Variants in BMP5 observed in about 807,000 individuals in gnomAD.
The protein encoded by BMP5 is bone morphogenetic protein 5.
BMP5 carries 23 observed loss-of-function variants against 46.6 expected under a neutral mutation model. That is an observed-to-expected ratio of 0.49 (90% CI 0.35 to 0.70). The LOEUF is 0.70. BMP5 is among the 30% of genes least tolerant of loss of function. The pLI, the probability that BMP5 is intolerant of heterozygous loss-of-function variation, is 0.00. For synonymous variants in BMP5, 204 were observed against 191.9 expected (o/e 1.06, Z -0.52); for missense variants, 545 against 565.6 (o/e 0.96, Z 0.37).
At chr6:55,861,685 T>G (rs772971628) in intron 1 of BMP5, among the ~76,000 whole-genome samples, 1 of 152,256 alleles carries the variant, frequency 6.6e-6, no homozygotes, top group Non-Finnish European at 1.5e-5. Flanking sequence ...GGGAGTAGAC[T>G]CTTGGTAAAC....
chr6:55,788,728 G>C (rs1582065674), intron 3 of BMP5, among the ~76,000 whole-genome samples: 1 of 151,744 alleles, frequency 6.6e-6, no homozygotes, highest in Non-Finnish European at 1.5e-5. Flanking sequence ...CAATGCAATG[G>C]CTAGAATGGT....
chr6:55,768,933 C>G (rs1353579978), intron 4 of BMP5, among the ~76,000 whole-genome samples: 1 of 151,872 alleles, frequency 6.6e-6, no homozygotes, highest in Admixed American at 6.6e-5. Flanking sequence ...ATACTACAGT[C>G]AATTAAGTGT....
chr6:55,832,978 T>C lies in BMP5; in HGVS notation c.491-13131A>G, dbSNP rs1329934997. Among the ~76,000 whole-genome samples, 8 of 151,928 alleles carry C rather than the reference T, an allele frequency of 5.3e-5. No individual in the cohort carries two copies. In the South Asian group the frequency reaches 1.2e-3, roughly 24 times the overall value. On this transcript the variant is annotated intron_variant, in intron 1 of 6. Transcript: ENST00000370830. ...TTTAAAAAAAAAAATTATTGGGGAA[T>C]GGTGGCACATGCCTGTACTTCTAGA... is the stretch of plus-strand genomic sequence containing the variant.
chr6:55,866,372 T>C (rs774695005), intron 1 of BMP5, among the ~76,000 whole-genome samples: 1 of 152,104 alleles, frequency 6.6e-6, no homozygotes, highest in Non-Finnish European at 1.5e-5. Context: ...CAGAGGAGAA[T>C]AAAGGTAGCA....
chr6:55,805,566 C>T (rs767805158), intron 2 of BMP5, among the ~76,000 whole-genome samples: 3 of 151,964 alleles, frequency 2.0e-5, no homozygotes, highest in Non-Finnish European at 4.4e-5. Flanking sequence ...ATTTATATTC[C>T]CTTGGGTATA....
chr6:55,839,832 C>A (rs1432226259), intron 1 of BMP5, among the ~76,000 whole-genome samples: 1 of 151,948 alleles, frequency 6.6e-6, no homozygotes, highest in Non-Finnish European at 1.5e-5. Flanking sequence ...ATTCATATAC[C>A]TATAACAGGA....
intron 2 of BMP5, among the ~76,000 whole-genome samples, chr6:55,817,393 A>T (rs943770281): frequency 6.6e-6 from 1 of 152,204 alleles, no homozygotes; most frequent in African/African-American, 2.4e-5. Flanking sequence ...AATATGGCAC[A>T]TATACACCAC....
intron 3 of BMP5, among the ~76,000 whole-genome samples, chr6:55,786,198 C>A (rs1057270526): frequency 2.2e-4 from 34 of 151,678 alleles, no homozygotes; most frequent in African/African-American, 7.0e-4. Context: ...TCCTCTAAGA[C>A]AATGCATTTC....
At chr6:55,786,719 GC>G (rs919760931) in intron 3 of BMP5, among the ~76,000 whole-genome samples, 2 of 151,540 alleles carry the variant, frequency 1.3e-5, no homozygotes, top group African/African-American at 2.4e-5. Flanking sequence ...TTTATCTAGA[GC>G]AAATCATAAG....
Position 55,819,733 on chromosome 6 carries a change from T to A in BMP5, c.605A>T (p.Lys202Met). 6.2e-7 allele frequency: 1 copy of A among 1,614,002 alleles called. No homozygotes were observed. The highest frequency in any genetic ancestry group is 8.5e-7 in the Non-Finnish European group (1 of 1,179,944). ...AVTAAEFRIY[K>M]DRSNNRFENE... ...TTCAAATCGGTTGTTGCTCCGGTCC[T>A]TGTATATCCGGAATTCAGCTGCTGT... The change falls in exon 2 of 7, where the codon AAG becomes ATG. Residue 202 changes from lysine (K) to methionine (M), a missense_variant. Coordinates refer to ENST00000370830, the MANE Select transcript of BMP5 (RefSeq NM_021073.4).
intron 1 of BMP5, among the ~76,000 whole-genome samples, chr6:55,824,656 C>T (rs1292150549): frequency 1.3e-5 from 2 of 151,798 alleles, no homozygotes; most frequent in Admixed American, 1.3e-4. Context: ...TAGTACCATC[C>T]CTTATCTCAG....
chr6:55,844,606 G>A (rs745816372), intron 1 of BMP5, among the ~76,000 whole-genome samples: 6 of 151,810 alleles, frequency 4.0e-5, no homozygotes, highest in Non-Finnish European at 7.4e-5. Context: ...ATAGTTTACA[G>A]CTGATTGTTA....
At chr6:55,770,314 C>CT (rs369936723) in intron 4 of BMP5, among the ~76,000 whole-genome samples, 1 of 151,876 alleles carries the variant, frequency 6.6e-6, no homozygotes, top group Non-Finnish European at 1.5e-5. Context: ...TCACCTTGCA[C>CT]TTTTTTGCTA....
At chr6:55,848,963 C>A (rs1444021867) in intron 1 of BMP5, among the ~76,000 whole-genome samples, 3 of 152,016 alleles carry the variant, frequency 2.0e-5, no homozygotes. Context: ...CATCTCTGAA[C>A]CACTGTGACT....
chr6:55,850,353 G>GATA (rs1217846105), intron 1 of BMP5, among the ~76,000 whole-genome samples: 122 of 54,228 alleles, frequency 2.2e-3, no homozygotes, highest in African/African-American at 3.0e-3. Flanking sequence ...TAGGTAAGTA[G>GATA]GTAGATAGAT....
At chr6:55,823,567 A>G (rs1366481174) in intron 1 of BMP5, among the ~76,000 whole-genome samples, 1 of 152,052 alleles carries the variant, frequency 6.6e-6, no homozygotes, top group Non-Finnish European at 1.5e-5. Context: ...TAATCGAAAG[A>G]TAACAGATTT....
intron 3 of BMP5, among the ~76,000 whole-genome samples, chr6:55,774,821 G>A (rs1020422): frequency 0.3 from 45,724 of 151,794 alleles, 7,179 homozygotes; most frequent in East Asian, 0.53. Flanking sequence ...GGGGATGGAG[G>A]TCTGCTTTAA....
chr6:55,775,847 C>G (rs762364552), intron 3 of BMP5, among the ~76,000 whole-genome samples: 1 of 151,248 alleles, frequency 6.6e-6, no homozygotes, highest in African/African-American at 2.4e-5. Flanking sequence ...AAAATGAGAC[C>G]GTGTCGTATA....
rs113448251 is a variant in BMP5 at position 55,854,715 on chromosome 6, T to G, written c.490+19661A>C. Among the ~76,000 whole-genome samples the G allele has an allele frequency of 7.9e-3, 1,206 of 152,242 alleles. 20 individuals are homozygous for G. The highest frequency in any genetic ancestry group is 0.027 in the African/African-American group (1,124 of 41,562). On this transcript the variant is annotated intron_variant, in intron 1 of 6. Transcript: ENST00000370830. Reference sequence around the variant, plus strand: ...TTTTACCTCATATGCTTCATTGAATTGATAGATTCCCTAAAATTAAATCAT... The same window carrying G: ...TTTTACCTCATATGCTTCATTGAATGGATAGATTCCCTAAAATTAAATCAT...
Sources: allele counts gnomAD v4.1 joint callset (sites outside exome capture counted in the v4.1 genomes callset), GRCh38; gene constraint gnomAD v4.1.1; transcripts MANE v1.5; gene names NCBI Gene and HGNC (gene_info 2026-07-23, HGNC 2026-07-21).